Variants in MTHFD2L observed in about 807,000 individuals in gnomAD.
MTHFD2L encodes the protein bifunctional methylenetetrahydrofolate dehydrogenase/cyclohydrolase 2, mitochondrial.
In MTHFD2L, 29 loss-of-function variants were observed where a neutral mutation model predicts 34.9. That is an observed-to-expected ratio of 0.83 (90% CI 0.62 to 1.13). MTHFD2L has a LOEUF of 1.13. MTHFD2L is among the 50% of genes most tolerant of loss of function. The pLI is 0.00. For synonymous variants in MTHFD2L, 167 were observed against 155.7 expected (o/e 1.07, Z -0.54); for missense variants, 481 against 446.5 (o/e 1.08, Z -0.70).
At chr4:74,167,761 G>A (rs762544510) in intron 1 of MTHFD2L, among the ~76,000 whole-genome samples, 2 of 152,172 alleles carry the variant, frequency 1.3e-5, no homozygotes, top group Non-Finnish European at 2.9e-5. Context: ...TGTGTAGTGC[G>A]CGACTCACTA....
intron 3 of MTHFD2L, among the ~76,000 whole-genome samples, chr4:74,196,791 C>A (rs1398443114): frequency 1.3e-5 from 2 of 151,760 alleles, no homozygotes; most frequent in Non-Finnish European, 2.9e-5. Flanking sequence ...ACTAAAAATA[C>A]AAAAATTAAC....
chr4:74,152,122 T>C (rs1723976322), intron 1 of MTHFD2L, among the ~76,000 whole-genome samples: 1 of 152,112 alleles, frequency 6.6e-6, no homozygotes, highest in South Asian at 2.1e-4. Context: ...CAATGTTTTC[T>C]TTCATATCCT....
intron 3 of MTHFD2L, among the ~76,000 whole-genome samples, chr4:74,189,483 T>G (rs1408193174): frequency 5.2e-5 from 2 of 38,384 alleles, no homozygotes. Flanking sequence ...GTGTTTTTCT[T>G]CCTTTTTTTT....
intron 6 of MTHFD2L, among the ~76,000 whole-genome samples, chr4:74,238,304 C>T (rs543504661): frequency 2.6e-5 from 4 of 151,988 alleles, no homozygotes; most frequent in Non-Finnish European, 5.9e-5. Flanking sequence ...ATCTGTGGTG[C>T]GTTCTAAGGC....
intron 6 of MTHFD2L, among the ~76,000 whole-genome samples, chr4:74,278,552 C>T (rs921982951): frequency 4.3e-4 from 66 of 152,116 alleles, no homozygotes; most frequent in African/African-American, 1.5e-3. Flanking sequence ...CCTTGACTCA[C>T]TCATTTCTGA....
intron 5 of MTHFD2L, among the ~76,000 whole-genome samples, chr4:74,210,567 C>T (rs1465786139): frequency 6.6e-6 from 1 of 152,120 alleles, no homozygotes; most frequent in African/African-American, 2.4e-5. Flanking sequence ...GTTTCGGTAC[C>T]AGTACCATGC....
intron 6 of MTHFD2L, among the ~76,000 whole-genome samples, chr4:74,232,793 A>AC (rs1251780199): frequency 1.3e-5 from 2 of 152,172 alleles, no homozygotes; most frequent in Non-Finnish European, 2.9e-5. Context: ...GCAGCTCTAC[A>AC]CCATGTACGT....
chr4:74,147,798 T>C (rs1028032491), intron 1 of MTHFD2L, among the ~76,000 whole-genome samples: 4 of 152,236 alleles, frequency 2.6e-5, no homozygotes, highest in Non-Finnish European at 4.4e-5. Context: ...GCATCTTTTT[T>C]TTATTGGCCA....
At chr4:74,277,019 G>C (rs895981172) in intron 6 of MTHFD2L, among the ~76,000 whole-genome samples, 1 of 152,046 alleles carries the variant, frequency 6.6e-6, no homozygotes. Context: ...TCTGGCAGAA[G>C]CTTAGAGAAG....
At chr4:74,196,821 C>G (rs1212396311) in intron 3 of MTHFD2L, among the ~76,000 whole-genome samples, 18 of 151,746 alleles carry the variant, frequency 1.2e-4, no homozygotes, top group Non-Finnish European at 2.9e-5. Flanking sequence ...TGGCACATGC[C>G]TATAGTCCCA....
At chr4:74,281,342 T>C in intron 6 of MTHFD2L, 83 bp from the exon 7 acceptor site, 1 of 1,264,468 alleles carries the variant, frequency 7.9e-7, no homozygotes, top group Non-Finnish European at 1.1e-6. Context: ...TGTGTGTGTG[T>C]GTGTGTGTAT....
rs910478977 is a variant in MTHFD2L at position 74,222,585 on chromosome 4, A to G, written c.713-2717A>G. On this transcript the variant is annotated intron_variant, in intron 5 of 7. Coordinates refer to ENST00000325278, the MANE Select transcript of MTHFD2L (RefSeq NM_001144978.3). ...AACATAAGTTTGGGAGAGGACAAAC[A>G]TTCAAACCATAGCTGTTTGTTACCC... is the stretch of plus-strand genomic sequence containing the variant. Among the ~76,000 whole-genome samples, 14 of 152,250 alleles carry G rather than the reference A, an allele frequency of 9.2e-5. No homozygotes were observed. The East Asian group carries it at 2.3e-3, about 25-fold the overall frequency.
chr4:74,127,639 A>G (rs1408053268), intron 1 of MTHFD2L, among the ~76,000 whole-genome samples: 1 of 152,064 alleles, frequency 6.6e-6, no homozygotes, highest in African/African-American at 2.4e-5. Context: ...GTTTCTTTAT[A>G]CACTCATCCA....
In MTHFD2L at chr4:74,173,872, A is replaced by G. The variant is rs185941722; in HGVS notation, c.144-634A>G. On this transcript the variant is annotated intron_variant, in intron 1 of 7. Transcript: ENST00000325278. ...GTATGCATATGTGTATATAATATATATGTTTTATATATGTATGTGAAAGTT... is the reference window on the plus strand; with the variant it reads ...GTATGCATATGTGTATATAATATATGTGTTTTATATATGTATGTGAAAGTT... 1.5e-4 allele frequency among the ~76,000 whole-genome samples: 23 copies of G among 152,308 alleles called. No individual in the cohort carries two copies. In the East Asian group the frequency reaches 3.7e-3, roughly 24 times the overall value.
chr4:74,287,508 A>G (rs890285962), intron 7 of MTHFD2L, among the ~76,000 whole-genome samples: 4 of 152,170 alleles, frequency 2.6e-5, no homozygotes, highest in African/African-American at 9.7e-5. Flanking sequence ...GCATGTTGGG[A>G]GACCGAGGAG....
At chr4:74,218,767 C>T (rs907274513) in intron 5 of MTHFD2L, among the ~76,000 whole-genome samples, 2 of 152,064 alleles carry the variant, frequency 1.3e-5, no homozygotes, top group Non-Finnish European at 2.9e-5. Flanking sequence ...TAGAAAACTG[C>T]TCAGGTGGGT....
chr4:74,298,825 G>A (rs1312990624), intron 7 of MTHFD2L, among the ~76,000 whole-genome samples: 1 of 151,832 alleles, frequency 6.6e-6, no homozygotes, highest in African/African-American at 2.4e-5. Context: ...TTTTCTACTC[G>A]TTTAGGTCAT....
chr4:74,155,141 C>A (rs904146679), upstream of MTHFD2L, among the ~76,000 whole-genome samples: 1 of 152,242 alleles, frequency 6.6e-6, no homozygotes, highest in Non-Finnish European at 1.5e-5. Context: ...TGTGCAGTTT[C>A]TTCTATTGTT....
intron 6 of MTHFD2L, among the ~76,000 whole-genome samples, chr4:74,227,302 A>G (rs926230231): frequency 2.0e-5 from 3 of 152,148 alleles, no homozygotes; most frequent in Admixed American, 6.5e-5. Flanking sequence ...CCTCACCCCT[A>G]CAGACCTAGG....
Sources: allele counts gnomAD v4.1 joint callset (sites outside exome capture counted in the v4.1 genomes callset), GRCh38; gene constraint gnomAD v4.1.1; transcripts MANE v1.5; gene names NCBI Gene and HGNC (gene_info 2026-07-23, HGNC 2026-07-21).